Variants in AKAP19 observed in about 807,000 individuals in gnomAD.
The protein encoded by AKAP19 is A-kinase anchoring protein 19, also known as small A-kinase anchoring protein.
chr2:190,067,617 A>G, the AKAP19 span, among the ~76,000 whole-genome samples: 3 of 152,206 alleles, frequency 2.0e-5, no homozygotes, highest in African/African-American at 4.8e-5. Context: ...GTTCTAGGGT[A>G]TAGACTGAAA....
At chr2:189,930,300 C>T in the AKAP19 span, 1 of 633,290 alleles carries the variant, frequency 1.6e-6, no homozygotes, top group Non-Finnish European at 2.4e-6. Flanking sequence ...GCTGCATCAA[C>T]TGGCTCCATG....
At chr2:189,879,869 T>C in the AKAP19 span, 1 of 152,210 alleles carries the variant, frequency 6.6e-6, no homozygotes, top group Non-Finnish European at 1.5e-5. Flanking sequence ...GTATGTTGCT[T>C]AGGATCCCAG....
the AKAP19 span, among the ~76,000 whole-genome samples, chr2:189,883,357 C>T: frequency 1.2e-4 from 18 of 152,134 alleles, no homozygotes; most frequent in African/African-American, 4.3e-4. Flanking sequence ...CTACTAAAAT[C>T]TGCCAGACAA....
At chr2:190,199,062 T>C in the AKAP19 span, among the ~76,000 whole-genome samples, 1 of 152,208 alleles carries the variant, frequency 6.6e-6, no homozygotes, top group African/African-American at 2.4e-5. Flanking sequence ...AAGCCAACAT[T>C]GTTTACTACT....
chr2:190,021,771 CTT>C, the AKAP19 span, among the ~76,000 whole-genome samples: 2 of 152,212 alleles, frequency 1.3e-5, no homozygotes, highest in African/African-American at 4.8e-5. Flanking sequence ...CTGAGGCTCT[CTT>C]TGCCCAATCC....
At chr2:190,136,344 G>A in the AKAP19 span, among the ~76,000 whole-genome samples, 1 of 152,186 alleles carries the variant, frequency 6.6e-6, no homozygotes, top group Non-Finnish European at 1.5e-5. Context: ...CTAGGTGACT[G>A]CCTGGCACTA....
At chr2:190,193,190 T>G in the AKAP19 span, among the ~76,000 whole-genome samples, 1 of 151,704 alleles carries the variant, frequency 6.6e-6, no homozygotes, top group South Asian at 2.1e-4. Flanking sequence ...TTTATCAAAA[T>G]TTTTTTTCTG....
the AKAP19 span, among the ~76,000 whole-genome samples, chr2:190,022,656 T>C: frequency 1.3e-5 from 2 of 152,204 alleles, no homozygotes; most frequent in Admixed American, 1.3e-4. Context: ...TTCTGAGGCT[T>C]ATGCATACAG....
At chr2:189,936,707 T>C in the AKAP19 span, among the ~76,000 whole-genome samples, 1 of 152,148 alleles carries the variant, frequency 6.6e-6, no homozygotes, top group African/African-American at 2.4e-5. Context: ...TATACACTAC[T>C]TAATAAAAAG....
the AKAP19 span, among the ~76,000 whole-genome samples, chr2:189,942,471 A>G: frequency 5.4e-3 from 820 of 152,314 alleles, 5 homozygotes; most frequent in African/African-American, 0.019. Context: ...TCTTTATAGC[A>G]GAACAGCCTA....
At chr2:189,995,000 A>C in the AKAP19 span, among the ~76,000 whole-genome samples, 1 of 152,216 alleles carries the variant, frequency 6.6e-6, no homozygotes, top group Non-Finnish European at 1.5e-5. Context: ...GGTAGTTGAT[A>C]TAATTTTGAT....
the AKAP19 span, among the ~76,000 whole-genome samples, chr2:189,884,386 T>C: frequency 6.6e-6 from 1 of 152,216 alleles, no homozygotes; most frequent in East Asian, 1.9e-4. Flanking sequence ...ACATGTAAAT[T>C]ACTAAATACG....
chr2:190,000,757 G>A, the AKAP19 span, among the ~76,000 whole-genome samples: 12 of 151,956 alleles, frequency 7.9e-5, no homozygotes, highest in Non-Finnish European at 1.5e-4. Context: ...TAATTGTATT[G>A]CTCCTTTGCA....
the AKAP19 span, among the ~76,000 whole-genome samples, chr2:190,181,928 A>T: frequency 6.6e-6 from 1 of 152,182 alleles, no homozygotes; most frequent in Non-Finnish European, 1.5e-5. Flanking sequence ...ATGGCAAATA[A>T]CATTATTTAG....
chr2:189,888,732 G>T, the AKAP19 span, among the ~76,000 whole-genome samples: 2 of 151,954 alleles, frequency 1.3e-5, no homozygotes, highest in African/African-American at 4.8e-5. Flanking sequence ...TCATGATTTG[G>T]CTCTCTGTTT....
At chr2:190,079,891 G>GAC in the AKAP19 span, 71 of 78,802 alleles carry the variant, frequency 9.0e-4, no homozygotes, top group African/African-American at 3.1e-3. Flanking sequence ...GTGTGTGTGT[G>GAC]AGAGAGAGAG....
At chr2:189,880,597 TCA>T in the AKAP19 span, among the ~76,000 whole-genome samples, 2 of 152,214 alleles carry the variant, frequency 1.3e-5, no homozygotes, top group Non-Finnish European at 2.9e-5. Context: ...AATTCACACT[TCA>T]CGTAAGATAC....
the AKAP19 span, chr2:190,180,722 C>T: frequency 1.0e-6 from 1 of 985,320 alleles, no homozygotes; most frequent in Non-Finnish European, 1.2e-6. This position sits in a 1 kb window ranked among gnomAD's most constrained non-coding sequence, Gnocchi z 6.8. Context: ...GAGGGCGCGC[C>T]CTGGAGCCGA....
the AKAP19 span, among the ~76,000 whole-genome samples, chr2:189,996,001 G>C: frequency 6.6e-6 from 1 of 152,136 alleles, no homozygotes; most frequent in Non-Finnish European, 1.5e-5. Context: ...TAGGTTACCT[G>C]ATGCTTTTGC....
Sources: gnomAD v4.1 joint callset for allele counts (sites outside exome capture counted in the v4.1 genomes callset) on GRCh38, gnomAD v4.1.1 for gene constraint, Gnocchi (gnomAD v3.1) non-coding constraint, MANE v1.5 for transcripts, NCBI Gene and HGNC (gene_info 2026-07-23, HGNC 2026-07-21) for gene names.